Variants in PRKG1 observed in about 807,000 individuals in gnomAD.
PRKG1 encodes cGMP-dependent protein kinase 1.
In PRKG1, 35 loss-of-function variants were observed where a neutral mutation model predicts 88.1. The observed-to-expected ratio is 0.40, with a 90% CI of 0.30 to 0.53. The LOEUF is 0.53. Among genes scored for constraint, PRKG1 ranks in the 20% least tolerant of loss-of-function variants. The pLI, the probability that PRKG1 is intolerant of heterozygous loss-of-function variation, is 0.59. For synonymous variants in PRKG1, 303 were observed against 292.5 expected, an observed-to-expected ratio of 1.04 and a Z score of -0.37; for missense variants, 540 against 839.8, an observed-to-expected ratio of 0.64 and a Z score of 4.41.
At position 52,071,687 on chromosome 10, in the gene PRKG1, TG is replaced by T. The variant is rs1846500124; in HGVS notation, c.935+9058del. ...GGGTGGGGGTGGGGGTGGGGTTTTT[TG>T]GTGTTTTTATTTTCTACCACATACC... On this transcript the variant is annotated intron_variant, in intron 7 of 17. Coordinates refer to ENST00000373980, the MANE Select transcript of PRKG1 (RefSeq NM_006258.4). Among the ~76,000 whole-genome samples the T allele has an allele frequency of 2.7e-5, 4 of 148,476 alleles. No homozygotes were observed. The South Asian group carries it at 9.0e-4, about 33-fold the overall frequency.
At chr10:52,006,250 C>G (rs567216533) in intron 5 of PRKG1, among the ~76,000 whole-genome samples, 112 of 152,300 alleles carry the variant, frequency 7.4e-4, no homozygotes, top group African/African-American at 2.6e-3. Flanking sequence ...AATGACCACA[C>G]TTGTTCCCTA....
intron 9 of PRKG1, among the ~76,000 whole-genome samples, chr10:52,180,865 G>A (rs928928836): frequency 1.3e-5 from 2 of 152,126 alleles, no homozygotes; most frequent in South Asian, 4.1e-4. Flanking sequence ...TCCTGCCCAG[G>A]CTGGGGGCAT....
chr10:51,485,086 C>A lies in PRKG1; in HGVS notation c.592+17250C>A, dbSNP rs113669285. Among the ~76,000 whole-genome samples, 328 of 152,184 alleles carry A rather than the reference C, an allele frequency of 2.2e-3. 1 individual carries two copies. Among genetic ancestry groups the A allele is most frequent in the African/African-American group, 7.3e-3 (305 of 41,514 alleles). On this transcript the variant is annotated intron_variant, in intron 3 of 17. Coordinates refer to ENST00000373980, the MANE Select transcript of PRKG1 (RefSeq NM_006258.4). ...AAGTTTTTTTCAACAAATAGAAAAT[C>A]TAATACAAGCCTTTTGCTCAACATT... is the stretch of plus-strand genomic sequence containing the variant.
intron 3 of PRKG1, among the ~76,000 whole-genome samples, chr10:51,627,965 TCTTTC>T (rs1839393118): frequency 3.5e-5 from 1 of 28,552 alleles, no homozygotes; most frequent in Non-Finnish European, 7.8e-5. Context: ...TTTCTTTCTT[TCTTTC>T]TCTTTCTTTC....
intron 2 of PRKG1, among the ~76,000 whole-genome samples, chr10:51,318,014 G>A (rs931416893): frequency 6.6e-6 from 1 of 152,074 alleles, no homozygotes; most frequent in African/African-American, 2.4e-5. Flanking sequence ...CTGTGCTGTG[G>A]TACCTCCTAC....
At chr10:51,627,970 CTCTT>C (rs1554826900) in intron 3 of PRKG1, among the ~76,000 whole-genome samples, 21 of 86,366 alleles carry the variant, frequency 2.4e-4, no homozygotes, top group East Asian at 2.0e-3. Flanking sequence ...TTCTTTCTTT[CTCTT>C]TCTTTCTTTC....
chr10:51,712,811 G>T (rs765680706), intron 3 of PRKG1, among the ~76,000 whole-genome samples: 1 of 151,658 alleles, frequency 6.6e-6, no homozygotes. Context: ...GGATGGTCTC[G>T]ATCTCCTGAC....
intron 2 of PRKG1, among the ~76,000 whole-genome samples, chr10:51,284,160 C>A (rs1840372941): frequency 6.6e-6 from 1 of 152,084 alleles, no homozygotes; most frequent in Admixed American, 6.5e-5. Context: ...CACATTAAAT[C>A]AAGGGCTACA....
At chr10:51,649,674 A>T (rs1269941090) in intron 3 of PRKG1, among the ~76,000 whole-genome samples, 6 of 152,206 alleles carry the variant, frequency 3.9e-5, no homozygotes, top group Admixed American at 2.0e-4. Flanking sequence ...CAACAGAAGA[A>T]CGAAAGCAGG....
At chr10:51,835,618 T>C (rs972542631) in intron 4 of PRKG1, among the ~76,000 whole-genome samples, 4 of 152,234 alleles carry the variant, frequency 2.6e-5, no homozygotes, top group African/African-American at 9.6e-5. Flanking sequence ...TTATATCACA[T>C]TTTAAAATCC....
chr10:52,218,145 G>A (rs1389242338), intron 9 of PRKG1, among the ~76,000 whole-genome samples: 4 of 150,024 alleles, frequency 2.7e-5, no homozygotes, highest in Non-Finnish European at 5.9e-5. Context: ...CTGGGAGGCA[G>A]AGGTTACAGT....
rs567719055 is a variant in PRKG1 at position 51,690,959 on chromosome 10, G to A, written c.593-113626G>A. ...AAAAAAAAAAAAAAAAAAGAATTAC[G>A]TTCCATTATGTATACTATCCATATC... On this transcript the variant is annotated intron_variant, in intron 3 of 17. Transcript: ENST00000373980. Among the ~76,000 whole-genome samples the A allele has an allele frequency of 1.9e-3, 266 of 143,760 alleles. 1 individual carries two copies. Among genetic ancestry groups the A allele is most frequent in the Non-Finnish European group, 3.4e-3 (223 of 66,380 alleles). The allele number at this position is 143,760 out of a possible 152,430, so 94.3% of individuals were successfully genotyped here.
chr10:51,568,858 T>C (rs1363929242), intron 3 of PRKG1: 1 of 152,096 alleles, frequency 6.6e-6, no homozygotes, highest in Non-Finnish European at 1.5e-5. Context: ...GGTCAACTTG[T>C]AATGATCAGG....
At chr10:51,789,646 C>G (rs1838815636) in intron 3 of PRKG1, among the ~76,000 whole-genome samples, 2 of 152,096 alleles carry the variant, frequency 1.3e-5, no homozygotes. Context: ...TGCCTAAGAG[C>G]ACCAGACAGG....
rs112837949 is a variant in PRKG1, at chr10:51,896,452, T to C, written c.699-11055T>C. On this transcript the variant is annotated intron_variant, in intron 4 of 17. Coordinates refer to ENST00000373980, the MANE Select transcript of PRKG1 (RefSeq NM_006258.4). The stretch of plus-strand genomic sequence containing the variant: ...GGCCTGGCATGGTGGCTCATGCCTG[T>C]AATCTCAATACTTTGGGAGGTTGAG... Among the ~76,000 whole-genome samples, 780 of 151,988 alleles carry C rather than the reference T, an allele frequency of 5.1e-3. 11 individuals are homozygous for C. The highest frequency in any genetic ancestry group is 0.018 in the African/African-American group (743 of 41,448).
At chr10:51,265,990 T>C (rs1327275990) in intron 2 of PRKG1, among the ~76,000 whole-genome samples, 1 of 152,198 alleles carries the variant, frequency 6.6e-6, no homozygotes, top group East Asian at 1.9e-4. Context: ...TTGTTAAAAA[T>C]ACAAGTTTTT....
At chr10:51,047,598 C>T (rs1043497985) in intron 1 of PRKG1, among the ~76,000 whole-genome samples, 13 of 144,110 alleles carry the variant, frequency 9.0e-5, no homozygotes, top group Non-Finnish European at 1.4e-4. Flanking sequence ...TAACACAAAA[C>T]CATATCTGTT....
chr10:52,278,325 A>T (rs1043560770), intron 12 of PRKG1, among the ~76,000 whole-genome samples: 5 of 152,184 alleles, frequency 3.3e-5, no homozygotes, highest in Non-Finnish European at 5.9e-5. Context: ...CAGATGCTGG[A>T]GAGGATGTGG....
rs114104525 is a variant in PRKG1 at position 51,949,169 on chromosome 10, G to A, written c.762+41599G>A. 4.1e-3 allele frequency among the ~76,000 whole-genome samples: 618 copies of A among 152,178 alleles called. 6 individuals are homozygous for A. The highest frequency in any genetic ancestry group is 0.014 in the African/African-American group (591 of 41,538). On this transcript the variant is annotated intron_variant, in intron 5 of 17. Transcript: ENST00000373980. ...TGAAGGTGTCCATATAAACACTTAA[G>A]AAATATTTAACATGTAAAACAAAAT...
Sources: gnomAD v4.1 joint callset for allele counts (sites outside exome capture counted in the v4.1 genomes callset) on GRCh38, gnomAD v4.1.1 for gene constraint, MANE v1.5 for transcripts, NCBI Gene and HGNC (gene_info 2026-07-23, HGNC 2026-07-21) for gene names.